Variants in MAP4K4 observed in about 807,000 individuals in gnomAD.
The protein encoded by MAP4K4 is HPK/GCK-like kinase HGK.
In MAP4K4, 38 loss-of-function variants were observed where a neutral mutation model predicts 189.6. That is an observed-to-expected ratio of 0.20 (90% CI 0.15 to 0.26). The LOEUF (loss-of-function observed/expected upper bound fraction) is 0.26, where lower values mean the gene tolerates loss of function less well. Among genes scored for constraint, MAP4K4 ranks in the 10% least tolerant of loss-of-function variants. The pLI is 1.00. For missense variants in MAP4K4, 1,054 were observed against 1,726.9 expected (o/e 0.61, Z 6.91); for synonymous variants, 610 against 624.3 (o/e 0.98, Z 0.34).
chr2:101,797,358 C>A (rs1226114920), intron 3 of MAP4K4: 1 of 1,290,806 alleles, frequency 7.7e-7, no homozygotes. Context: ...GGCAGACTTA[C>A]CACAGGATCA....
At chr2:101,780,750 T>G (rs2086909349) in intron 2 of MAP4K4, among the ~76,000 whole-genome samples, 1 of 152,234 alleles carries the variant, frequency 6.6e-6, no homozygotes, top group South Asian at 2.1e-4. Flanking sequence ...GTTAGTAATC[T>G]TTTATTTAGT....
At chr2:101,867,942 C>A in intron 20 of MAP4K4, 87 bp from the exon 21 acceptor site, 2 of 1,287,934 alleles carry the variant, frequency 1.6e-6, no homozygotes, top group Non-Finnish European at 2.2e-6. Flanking sequence ...TTCTCCCTCT[C>A]CCCTTCTTTC....
chr2:101,826,112 C>G (rs2096345478), intron 5 of MAP4K4, among the ~76,000 whole-genome samples: 1 of 152,084 alleles, frequency 6.6e-6, no homozygotes, highest in Admixed American at 6.5e-5. Context: ...TACTTCATCC[C>G]TGAATTACAC....
chr2:101,785,398 A>G (rs1441135287), intron 2 of MAP4K4, among the ~76,000 whole-genome samples: 3 of 152,124 alleles, frequency 2.0e-5, no homozygotes, highest in Admixed American at 1.3e-4. Flanking sequence ...AAACTTTTTG[A>G]TAGAGTGGTT....
intron 3 of MAP4K4, among the ~76,000 whole-genome samples, chr2:101,793,492 C>T (rs1337116266): frequency 1.3e-5 from 2 of 151,064 alleles, no homozygotes; most frequent in African/African-American, 4.9e-5. Flanking sequence ...GATTTTGCAG[C>T]ATGTGCTTCT....
At chr2:101,742,280 C>A (rs897207026) in intron 2 of MAP4K4, among the ~76,000 whole-genome samples, 8 of 152,148 alleles carry the variant, frequency 5.3e-5, no homozygotes, top group Non-Finnish European at 8.8e-5. Context: ...ACCTTGATTT[C>A]TTTAGGCAGA....
chr2:101,843,462 A>G lies in MAP4K4; in HGVS notation c.1023-639A>G, dbSNP rs145774870. ...GGAATTTGAACTGATTTCATAAGCA[A>G]TGTAATTGTTTTTGAATAGGAGGAG... is the stretch of plus-strand genomic sequence containing the variant. On this transcript the variant is annotated intron_variant, in intron 11 of 32. Coordinates refer to ENST00000324219, the Ensembl canonical transcript of MAP4K4. Among the ~76,000 whole-genome samples, 59 of 152,338 alleles carry G rather than the reference A, an allele frequency of 3.9e-4. 1 individual carries two copies. Among genetic ancestry groups the G allele is most frequent in the African/African-American group, 1.2e-3 (50 of 41,572 alleles).
intron 10 of MAP4K4, among the ~76,000 whole-genome samples, chr2:101,842,124 T>A (rs1226219118): frequency 2.0e-5 from 3 of 152,220 alleles, no homozygotes; most frequent in Admixed American, 2.0e-4. Flanking sequence ...AGTTAATGTT[T>A]CACTTTGTGT....
exon 33 of MAP4K4, chr2:101,892,002 A>AG (rs1559366553): frequency 1.3e-5 from 2 of 150,078 alleles, no homozygotes; most frequent in African/African-American, 4.9e-5. Flanking sequence ...AAAAAAAAAA[A>AG]AAAAAAAAAA....
chr2:101,776,404 C>T (rs1036855207), intron 2 of MAP4K4, among the ~76,000 whole-genome samples: 12 of 152,148 alleles, frequency 7.9e-5, no homozygotes, highest in Admixed American at 6.5e-4. Context: ...GCTGGTCTAA[C>T]GGGGCAGTTC....
chr2:101,738,838 T>A (rs550539345), intron 2 of MAP4K4, among the ~76,000 whole-genome samples: 1 of 152,198 alleles, frequency 6.6e-6, no homozygotes, highest in East Asian at 1.9e-4. Flanking sequence ...TTGGTGACCT[T>A]GGGAAAGAGA....
chr2:101,766,713 T>A (rs2078785343), intron 2 of MAP4K4, among the ~76,000 whole-genome samples: 1 of 152,164 alleles, frequency 6.6e-6, no homozygotes, highest in Non-Finnish European at 1.5e-5. Context: ...CTCATTTCCC[T>A]TTATGTTTCC....
intron 2 of MAP4K4, among the ~76,000 whole-genome samples, chr2:101,719,841 G>A (rs12994660): frequency 6.6e-6 from 1 of 151,950 alleles, no homozygotes; most frequent in Non-Finnish European, 1.5e-5. Flanking sequence ...GTGAAACCCC[G>A]TCTCTACTAA....
chr2:101,740,239 C>T (rs1237505790), intron 2 of MAP4K4, among the ~76,000 whole-genome samples: 1 of 125,904 alleles, frequency 7.9e-6, no homozygotes, highest in Non-Finnish European at 1.5e-5. Flanking sequence ...CTGCAAGCTC[C>T]GCCTCCCGGG....
chr2:101,795,196 A>G (rs2093559087), intron 3 of MAP4K4, among the ~76,000 whole-genome samples: 1 of 152,206 alleles, frequency 6.6e-6, no homozygotes, highest in Non-Finnish European at 1.5e-5. Context: ...TAAGTAATCT[A>G]TCTCCAGGGT....
exon 24 of MAP4K4, chr2:101,871,532 C>T: frequency 3.3e-6 from 5 of 1,535,954 alleles, no homozygotes; most frequent in Non-Finnish European, 4.4e-6. Flanking sequence ...ATCATGAGAG[C>T]AATGGCTTTG....
chr2:101,741,307 A>G (rs994015491), intron 2 of MAP4K4, among the ~76,000 whole-genome samples: 1 of 151,594 alleles, frequency 6.6e-6, no homozygotes, highest in Non-Finnish European at 1.5e-5. Context: ...AGCTGGGACT[A>G]CAGGCGCCCG....
chr2:101,760,910 G>A (rs986250778), intron 2 of MAP4K4, among the ~76,000 whole-genome samples: 6 of 152,214 alleles, frequency 3.9e-5, no homozygotes, highest in African/African-American at 9.6e-5. Flanking sequence ...GGCTGAGGCA[G>A]CAGAATCGCT....
At chr2:101,844,079 A>G in intron 11 of MAP4K4, 22 bp from the exon 12 acceptor site, 1 of 1,588,030 alleles carries the variant, frequency 6.3e-7, no homozygotes, top group Non-Finnish European at 8.6e-7. Flanking sequence ...CACACCCCTG[A>G]AAGCCCTGCT....
Sources: allele counts gnomAD v4.1 joint callset (sites outside exome capture counted in the v4.1 genomes callset), GRCh38; gene constraint gnomAD v4.1.1; transcripts MANE v1.5; gene names NCBI Gene and HGNC (gene_info 2026-07-23, HGNC 2026-07-21).